The following IRF8 variants were observed in gnomAD, a reference collection of about 807,000 sequenced individuals.
The protein encoded by IRF8 is interferon regulatory factor 8, also known as interferon consensus sequence binding protein 1.
A neutral mutation model predicts 48.7 loss-of-function variants in IRF8; 14 were observed. The observed-to-expected ratio is 0.29, with a 90% CI of 0.19 to 0.45. The LOEUF (loss-of-function observed/expected upper bound fraction) is 0.45, where lower values mean the gene tolerates loss of function less well. Among genes scored for constraint, IRF8 ranks in the 20% least tolerant of loss-of-function variants. IRF8 has a pLI of 1.00. For synonymous variants in IRF8, 278 were observed against 227.3 expected (o/e 1.22, Z -2.01); for missense variants, 493 against 580.7 (o/e 0.85, Z 1.55).
chr16:85,909,406 C>T, intron 3 of IRF8: 1 of 553,324 alleles, frequency 1.8e-6, no homozygotes, highest in Non-Finnish European at 3.3e-6. Context: ...TGCCTGACCA[C>T]AGACATTTGT....
chr16:85,912,050 C>T (rs981689524), intron 4 of IRF8, among the ~76,000 whole-genome samples: 2 of 152,236 alleles, frequency 1.3e-5, no homozygotes, highest in Non-Finnish European at 2.9e-5. Context: ...TTGCTGCCTG[C>T]GCTTGTCATG....
rs1475626493 is a variant in IRF8, at chr16:85,921,742, T to C, written c.*460T>C. The C allele has an allele frequency of 5.0e-6, 1 of 200,234 alleles. No homozygotes were observed. Among genetic ancestry groups the C allele is most frequent in the Admixed American group, 5.3e-5 (1 of 18,710 alleles). The allele number at this position is 200,234 out of a possible 1,614,324, so 12.4% of individuals were successfully genotyped here. A position where few individuals can be genotyped will look rare whatever the true frequency, so the allele number is the denominator to read the frequency against. ...TTATGATTTCATAGGCTTGATTCTA[T>C]GTGAAATATCTTTTTACTTTTATGC... On this transcript the variant is annotated 3_prime_UTR_variant, in exon 9 of 9. Coordinates refer to ENST00000268638, the MANE Select transcript of IRF8 (RefSeq NM_002163.4).
chr16:85,904,865 A>G (rs1294116264), intron 2 of IRF8, among the ~76,000 whole-genome samples: 1 of 134,424 alleles, frequency 7.4e-6, no homozygotes, highest in Non-Finnish European at 1.5e-5. Flanking sequence ...TCTCTTGGGA[A>G]GGACTGCAAA....
At position 85,909,142 on chromosome 16, in the gene IRF8, T is replaced by G. The variant is rs771889601; in HGVS notation, c.327T>G (p.Val109=). ...TGGACATTTCCGAGCCATACAAAGT[T>G]TACCGAATTGTTCCTGAGGAAGAGC... ...SQLDISEPYK[V]YRIVPEEEQK... The change falls in exon 3 of 9, where the codon GTT becomes GTG. Residue 109 remains valine (V), a synonymous_variant. Coordinates refer to ENST00000268638, the MANE Select transcript of IRF8 (RefSeq NM_002163.4). 2 of 1,614,168 alleles carry G rather than the reference T, an allele frequency of 1.2e-6. No homozygotes were observed. Among genetic ancestry groups the G allele is most frequent in the Admixed American group, 3.3e-5 (2 of 60,028 alleles).
intron 2 of IRF8, among the ~76,000 whole-genome samples, chr16:85,907,825 T>A (rs1193429249): frequency 6.6e-6 from 1 of 152,246 alleles, no homozygotes; most frequent in Non-Finnish European, 1.5e-5. Context: ...GGGGTTGGTA[T>A]ATGCATTAAG....
At chr16:85,899,540 A>T (rs1904756879) in intron 1 of IRF8, among the ~76,000 whole-genome samples, 1 of 152,358 alleles carries the variant, frequency 6.6e-6, no homozygotes, top group East Asian at 1.9e-4. Flanking sequence ...CGGCAATAGC[A>T]ACCCCCTATC....
intron 2 of IRF8, among the ~76,000 whole-genome samples, 194 bp from the exon 3 acceptor site, chr16:85,908,796 C>A (rs1905069201): frequency 1.3e-5 from 2 of 152,146 alleles, no homozygotes; most frequent in African/African-American, 4.8e-5. Context: ...TTGGGTCTTT[C>A]CACATCTGGT....
chr16:85,902,731 A>G, intron 1 of IRF8: 1 of 474,102 alleles, frequency 2.1e-6, no homozygotes, highest in Non-Finnish European at 3.9e-6. Context: ...AGGGCAGATG[A>G]AAGCTGGAAG....
At chr16:85,909,203 C>G in intron 3 of IRF8, 30 bp downstream of exon 3, 1 of 1,595,114 alleles carries the variant, frequency 6.3e-7, no homozygotes, top group Non-Finnish European at 8.6e-7. Flanking sequence ...ATGAAACCTT[C>G]CAGAAGCTGC....
At chr16:85,911,796 A>T in intron 4 of IRF8, 138 bp downstream of exon 4, 1 of 723,216 alleles carries the variant, frequency 1.4e-6, no homozygotes, top group Non-Finnish European at 2.4e-6. Flanking sequence ...CTCCACCTGT[A>T]CAGATCTGGA....
At chr16:85,903,536 G>A (rs1325047861) in intron 2 of IRF8, 2 of 339,032 alleles carry the variant, frequency 5.9e-6, no homozygotes, top group South Asian at 2.6e-5. Context: ...CATTAGAGGC[G>A]ATGCATATAC....
chr16:85,902,594 A>C, intron 1 of IRF8: 1 of 261,692 alleles, frequency 3.8e-6, no homozygotes, highest in Non-Finnish European at 7.5e-6. Context: ...CTGGTAGCCC[A>C]GTTGGTTCTT....
chr16:85,909,054 CG>C lies in IRF8; in HGVS notation c.240del (p.Arg81GlyfsTer6). ...AAAGCTGAACCAGCCACTTGGAAGACGAGGTTACGCTGTGCTTTGAATAAGA... is the reference window on the plus strand; with the variant it reads ...AAAGCTGAACCAGCCACTTGGAAGACAGGTTACGCTGTGCTTTGAATAAGA... ...GDKAEPATWKTRLRCALNKSP... is the reference protein window; with the variant it reads ...GDKAEPATWKXRLRCALNKSP... On this transcript the variant is annotated frameshift_variant, in exon 3 of 9. Transcript: ENST00000268638. LOFTEE classifies it high-confidence loss of function. 1 of 1,614,060 alleles carries C rather than the reference CG, an allele frequency of 6.2e-7. No individual in the cohort carries two copies. Among genetic ancestry groups the C allele is most frequent in the Non-Finnish European group, 8.5e-7 (1 of 1,179,956 alleles).
chr16:85,903,305 A>G, intron 2 of IRF8, 116 bp downstream of exon 2: 1 of 1,010,598 alleles, frequency 9.9e-7, no homozygotes, highest in Non-Finnish European at 1.5e-6. Flanking sequence ...CCAGTTTTTT[A>G]AAAGCAAACA....
At chr16:85,904,926 G>C (rs983702582) in intron 2 of IRF8, among the ~76,000 whole-genome samples, 2 of 147,700 alleles carry the variant, frequency 1.4e-5, no homozygotes, top group African/African-American at 5.1e-5. Context: ...CTGCATTATA[G>C]ATAACCCCAA....
At chr16:85,902,809 T>C in intron 1 of IRF8, 1 of 540,554 alleles carries the variant, frequency 1.8e-6, no homozygotes, top group Non-Finnish European at 3.2e-6. Context: ...CCCACGGAGC[T>C]TTCAGTTTGC....
rs749700728 is a variant in IRF8, at chr16:85,903,096, T to C, written c.81T>C (p.Ile27=). 2.5e-6 allele frequency: 4 copies of C among 1,614,040 alleles called. No individual in the cohort carries two copies. The Middle Eastern group carries it at 6.6e-4, about 266-fold the overall frequency. Residue 27 remains isoleucine (I), a synonymous_variant, in exon 2 of 9, where the codon ATT becomes ATC. Coordinates refer to ENST00000268638, the MANE Select transcript of IRF8 (RefSeq NM_002163.4). ...ACAGTAGCATGTATCCAGGACTGAT[T>C]TGGGAGAATGAGGAGAAGAGCATGT... is the stretch of plus-strand genomic sequence containing the variant. ...QIDSSMYPGL[I]WENEEKSMFR...
intron 1 of IRF8, among the ~76,000 whole-genome samples, chr16:85,900,770 CTCTTTTTCCTTTTAAAATT>C (rs1451727322): frequency 6.6e-6 from 1 of 152,218 alleles, no homozygotes; most frequent in East Asian, 1.9e-4. Context: ...ACTTACTCTT[CTCTTTTTCCTTTTAAAATT>C]TCTTTTTCCT....
intron 3 of IRF8, among the ~76,000 whole-genome samples, chr16:85,910,955 T>C (rs1434802518): frequency 6.6e-6 from 1 of 152,174 alleles, no homozygotes; most frequent in Non-Finnish European, 1.5e-5. Flanking sequence ...GGAAGCGGCA[T>C]GAGAAGGGAA....
Sources: allele counts gnomAD v4.1 joint callset (sites outside exome capture counted in the v4.1 genomes callset), GRCh38; gene constraint gnomAD v4.1.1; transcripts MANE v1.5; gene names NCBI Gene and HGNC (gene_info 2026-07-23, HGNC 2026-07-21).